The following TBL1X variants were observed in gnomAD, a reference collection of about 807,000 sequenced individuals.
TBL1X encodes F-box-like/WD repeat-containing protein TBL1X.
In TBL1X, 10 loss-of-function variants were observed where a neutral mutation model predicts 50.7. The ratio of observed to expected loss-of-function variants is 0.20; its 90% CI spans 0.12 to 0.33. TBL1X has a LOEUF of 0.33. Ranked by LOEUF, TBL1X falls within the 10% of genes least tolerant of loss-of-function variation. The pLI, the probability that TBL1X is intolerant of heterozygous loss-of-function variation, is 1.00. For missense variants in TBL1X, 340 were observed against 504.4 expected, an observed-to-expected ratio of 0.67 and a Z score of 3.12; for synonymous variants, 190 against 214.7, an observed-to-expected ratio of 0.88 and a Z score of 1.01.
chrX:9,663,374 T>G (rs1236638961), intron 5 of TBL1X, among the ~76,000 whole-genome samples: 1 of 112,021 alleles, frequency 8.9e-6, no homozygotes, highest in Non-Finnish European at 1.9e-5. Context: ...GGAGCACCAC[T>G]CAGCTGTGAA....
At chrX:9,612,206 G>A (rs1251023360) in intron 2 of TBL1X, among the ~76,000 whole-genome samples, 1 of 112,226 alleles carries the variant, frequency 8.9e-6, no homozygotes, top group Non-Finnish European at 1.9e-5. Context: ...GAGGGGGGAA[G>A]AAAAGATGTT....
intron 2 of TBL1X, among the ~76,000 whole-genome samples, chrX:9,580,424 C>G (rs181516079): frequency 3.6e-5 from 4 of 111,633 alleles, no homozygotes; most frequent in Non-Finnish European, 7.5e-5. Flanking sequence ...AGACAAGGGA[C>G]AAATAGTTGT....
chrX:9,472,610 G>A (rs774555761), intron 1 of TBL1X, among the ~76,000 whole-genome samples: 28 of 110,267 alleles, frequency 2.5e-4, no homozygotes, highest in African/African-American at 8.9e-4. Context: ...CTTTAATATG[G>A]CAAGACCATA....
At chrX:9,531,771 C>T (rs933495972) in intron 2 of TBL1X, among the ~76,000 whole-genome samples, 2 of 108,534 alleles carry the variant, frequency 1.8e-5, no homozygotes, top group African/African-American at 3.4e-5. Flanking sequence ...CTCATTCTGT[C>T]GCCCAGACTG....
intron 5 of TBL1X, among the ~76,000 whole-genome samples, chrX:9,680,318 A>G (rs995370962): frequency 8.9e-6 from 1 of 112,406 alleles, no homozygotes; most frequent in Non-Finnish European, 1.9e-5. Context: ...ATTTCATCTG[A>G]CATCCTTATT....
At chrX:9,562,230 T>C (rs1303713331) in intron 2 of TBL1X, among the ~76,000 whole-genome samples, 2 of 112,457 alleles carry the variant, frequency 1.8e-5, no homozygotes, top group East Asian at 5.5e-4. Context: ...ATTTGCTGAA[T>C]TGGAAAGATC....
chrX:9,491,018 A>C (rs190141762), intron 1 of TBL1X, among the ~76,000 whole-genome samples: 1 of 109,303 alleles, frequency 9.1e-6, no homozygotes, highest in African/African-American at 3.3e-5. Flanking sequence ...TCACTCTATC[A>C]CCCAGGCTGG....
chrX:9,657,113 C>T (rs2082869323), intron 5 of TBL1X, among the ~76,000 whole-genome samples: 1 of 112,064 alleles, frequency 8.9e-6, no homozygotes, highest in Non-Finnish European at 1.9e-5. Flanking sequence ...TTCCCAGATC[C>T]ACTGATCTTA....
At chrX:9,533,998 C>T (rs1332602295) in intron 2 of TBL1X, among the ~76,000 whole-genome samples, 5 of 111,436 alleles carry the variant, frequency 4.5e-5, no homozygotes, top group African/African-American at 1.6e-4. Flanking sequence ...GTGCTGAGCT[C>T]CGAGGGAGGA....
intron 2 of TBL1X, among the ~76,000 whole-genome samples, chrX:9,541,360 A>G (rs778475607): frequency 9.0e-6 from 1 of 110,683 alleles, no homozygotes; most frequent in East Asian, 2.8e-4. Context: ...AAAACACTGG[A>G]TGGTTAGATT....
chrX:9,699,381 G>A (rs185984767), intron 12 of TBL1X, among the ~76,000 whole-genome samples: 1 of 112,153 alleles, frequency 8.9e-6, no homozygotes, highest in East Asian at 2.8e-4. Context: ...GGCTTAAAGT[G>A]GACAGAAGTG....
intron 5 of TBL1X, among the ~76,000 whole-genome samples, chrX:9,664,233 C>A: frequency 8.9e-6 from 1 of 112,559 alleles, no homozygotes; most frequent in Non-Finnish European, 1.9e-5. Flanking sequence ...GTAAAAAAGA[C>A]TATACCAAAA....
At chrX:9,480,878 G>C (rs1442989851) in intron 1 of TBL1X, among the ~76,000 whole-genome samples, 1 of 107,351 alleles carries the variant, frequency 9.3e-6, no homozygotes. Context: ...GCATTGTCAG[G>C]TATGCAATAG....
At chrX:9,609,542 T>C (rs772983422) in intron 2 of TBL1X, among the ~76,000 whole-genome samples, 1 of 111,334 alleles carries the variant, frequency 9.0e-6, no homozygotes, top group East Asian at 2.8e-4. Context: ...ATCTCTTTCA[T>C]GAAGTACATG....
intron 2 of TBL1X, among the ~76,000 whole-genome samples, chrX:9,512,868 C>T (rs930476680): frequency 6.3e-5 from 7 of 111,570 alleles, no homozygotes; most frequent in Admixed American, 2.9e-4. Flanking sequence ...GATTGAGTTC[C>T]GTGTCAGGTT....
At chrX:9,711,923 G>A (rs944096092) in intron 16 of TBL1X, 147 bp downstream of exon 16, 7 of 585,113 alleles carry the variant, frequency 1.2e-5, no homozygotes, top group Non-Finnish European at 1.7e-5. Flanking sequence ...CTGTCCACGT[G>A]CACCCCACGT....
At chrX:9,516,903 G>A (rs1452610471) in intron 2 of TBL1X, among the ~76,000 whole-genome samples, 1 of 111,988 alleles carries the variant, frequency 8.9e-6, no homozygotes, top group Non-Finnish European at 1.9e-5. Flanking sequence ...AAATAAGAAA[G>A]GAATTACTGA....
intron 2 of TBL1X, among the ~76,000 whole-genome samples, chrX:9,561,271 G>A (rs1291141273): frequency 2.7e-5 from 3 of 111,877 alleles, no homozygotes; most frequent in Non-Finnish European, 5.6e-5. Context: ...TGGCTAATTC[G>A]GGTCTCTGCT....
At position 9,559,068 on chromosome X, in the gene TBL1X, C is replaced by G. The variant is rs745669577; in HGVS notation, c.-131+57219C>G. On this transcript the variant is annotated intron_variant, in intron 2 of 17. Coordinates refer to ENST00000645353, the MANE Select transcript of TBL1X (RefSeq NM_005647.4). Reference sequence around the variant, plus strand: ...GCTGTGTTTCTGATATTTGCATCTTCTTTATTGTTTAGATACTGTGAATCC... The same window carrying G: ...GCTGTGTTTCTGATATTTGCATCTTGTTTATTGTTTAGATACTGTGAATCC... Among the ~76,000 whole-genome samples, 17 of 111,863 alleles carry G rather than the reference C, an allele frequency of 1.5e-4. 1 individual carries two copies. Among genetic ancestry groups the G allele is most frequent in the African/African-American group, 5.2e-4 (16 of 30,807 alleles).
Sources: gnomAD v4.1 joint callset for allele counts (sites outside exome capture counted in the v4.1 genomes callset) on GRCh38, gnomAD v4.1.1 for gene constraint, MANE v1.5 for transcripts, NCBI Gene and HGNC (gene_info 2026-07-23, HGNC 2026-07-21) for gene names.